The following SCFD2 variants were observed in gnomAD, a reference collection of about 807,000 sequenced individuals.
SCFD2 encodes the protein sec1 family domain containing 2.
In SCFD2, 54 loss-of-function variants were observed where a neutral mutation model predicts 58.9. The observed-to-expected ratio is 0.92, with a 90% CI of 0.74 to 1.15. The LOEUF (loss-of-function observed/expected upper bound fraction) is 1.15. Ranked by LOEUF, SCFD2 falls within the 50% of genes most tolerant of loss-of-function variation. The pLI, the probability that SCFD2 is intolerant of heterozygous loss-of-function variation, is 0.00. For synonymous variants in SCFD2, 321 were observed against 335.9 expected (o/e 0.96, Z 0.49); for missense variants, 805 against 836.6 (o/e 0.96, Z 0.47).
chr4:52,910,809 T>C (rs977711681), intron 6 of SCFD2, among the ~76,000 whole-genome samples: 1 of 152,136 alleles, frequency 6.6e-6, no homozygotes, highest in African/African-American at 2.4e-5. Context: ...GTGGGAGAGT[T>C]CTTATGAGAT....
rs187518799 is a variant in SCFD2 at position 52,892,461 on chromosome 4, T to G, written c.1843-6595A>C. The stretch of plus-strand genomic sequence containing the variant: ...AGTGTTTCTGGTCAAATGTCAAAAC[T>G]CCAGCCCTCTGGGATCTAGTGTCTG... On this transcript the variant is annotated intron_variant, in intron 7 of 8. Coordinates refer to ENST00000401642, the MANE Select transcript of SCFD2 (RefSeq NM_152540.4). Among the ~76,000 whole-genome samples, 114 of 152,312 alleles carry G rather than the reference T, an allele frequency of 7.5e-4. No individual in the cohort carries two copies. In the Middle Eastern group the frequency reaches 0.01, roughly 14 times the overall value.
At chr4:53,345,906 T>G (rs1734042159) in intron 2 of SCFD2, among the ~76,000 whole-genome samples, 2 of 151,970 alleles carry the variant, frequency 1.3e-5, no homozygotes, top group South Asian at 4.2e-4. Flanking sequence ...ATGAGAACAC[T>G]TGGACACAGG....
At chr4:53,092,259 T>A (rs957893939) in intron 5 of SCFD2, among the ~76,000 whole-genome samples, 9 of 152,160 alleles carry the variant, frequency 5.9e-5, no homozygotes, top group African/African-American at 2.2e-4. Context: ...AAACACGTCA[T>A]ATGACACATA....
chr4:52,971,865 C>A (rs1721110347), intron 5 of SCFD2, among the ~76,000 whole-genome samples: 1 of 152,172 alleles, frequency 6.6e-6, no homozygotes. Context: ...CAATATTCAA[C>A]ATTCTTAAAG....
chr4:53,201,026 A>T (rs1048115412), intron 4 of SCFD2, among the ~76,000 whole-genome samples: 4 of 151,936 alleles, frequency 2.6e-5, no homozygotes, highest in Non-Finnish European at 4.4e-5. Context: ...TTTTTAAAAA[A>T]TTTTATTATT....
intron 5 of SCFD2, among the ~76,000 whole-genome samples, chr4:53,045,209 T>A (rs1240243703): frequency 3.3e-5 from 5 of 152,190 alleles, no homozygotes; most frequent in African/African-American, 1.2e-4. Flanking sequence ...TTGTACGAGG[T>A]TTTACTAATA....
At chr4:52,884,472 AT>A (rs1030318607) in intron 8 of SCFD2, among the ~76,000 whole-genome samples, 1 of 152,178 alleles carries the variant, frequency 6.6e-6, no homozygotes, top group Non-Finnish European at 1.5e-5. Flanking sequence ...ATTCTGAGTC[AT>A]GTAACACCAC....
chr4:52,892,629 C>A (rs1175706645), intron 7 of SCFD2, among the ~76,000 whole-genome samples: 1 of 152,192 alleles, frequency 6.6e-6, no homozygotes, highest in Non-Finnish European at 1.5e-5. Context: ...CAAAATCCAA[C>A]TCCCCTGGGA....
At chr4:53,067,408 G>T (rs1416029114) in intron 5 of SCFD2, among the ~76,000 whole-genome samples, 1 of 152,016 alleles carries the variant, frequency 6.6e-6, no homozygotes, top group Non-Finnish European at 1.5e-5. Context: ...TGATGTCACT[G>T]TGGCAGCCTT....
chr4:53,007,305 G>GGGGAGA (rs1553913998), intron 5 of SCFD2, among the ~76,000 whole-genome samples: 7 of 66,082 alleles, frequency 1.1e-4, no homozygotes, highest in East Asian at 8.0e-4. Context: ...AGAGGGAGAG[G>GGGGAGA]GAGAGAGAGA....
chr4:53,338,734 C>T (rs1016401214), intron 2 of SCFD2, among the ~76,000 whole-genome samples: 8 of 151,534 alleles, frequency 5.3e-5, no homozygotes, highest in African/African-American at 1.9e-4. Flanking sequence ...GCACCCGCCA[C>T]TACGCCCGGC....
chr4:53,145,191 T>G, intron 5 of SCFD2, 142 bp downstream of exon 5: 1 of 997,156 alleles, frequency 1.0e-6, no homozygotes. Flanking sequence ...TGCTATAGGC[T>G]GGCTAGCATT....
intron 5 of SCFD2, among the ~76,000 whole-genome samples, chr4:52,999,848 C>T (rs192851510): frequency 1.1e-4 from 17 of 152,290 alleles, no homozygotes; most frequent in South Asian, 6.2e-4. Flanking sequence ...GTGTCAGAGA[C>T]GACTTCCTTG....
rs906540100 is a variant in SCFD2, at chr4:53,093,823, A to G, written c.1561+51510T>C. On this transcript the variant is annotated intron_variant, in intron 5 of 8. Transcript: ENST00000401642. ...GCAGGAGCACTCAAGAAACGGTAGC[A>G]TCAGTCATCTCCAGGAAGAATAGCA... Among the ~76,000 whole-genome samples the G allele has an allele frequency of 2.6e-5, 4 of 152,080 alleles. 1 individual carries two copies. The highest frequency in any genetic ancestry group is 2.0e-4 in the Admixed American group (3 of 15,242).
intron 8 of SCFD2, among the ~76,000 whole-genome samples, chr4:52,883,851 C>G (rs1000404889): frequency 6.6e-6 from 1 of 152,132 alleles, no homozygotes; most frequent in Non-Finnish European, 1.5e-5. Flanking sequence ...ATGACCATAA[C>G]AGGTGATAGT....
In SCFD2 at chr4:53,159,541, T is replaced by G. The variant is rs183757924; in HGVS notation, c.1312-13959A>C. On this transcript the variant is annotated intron_variant, in intron 4 of 8. Coordinates refer to ENST00000401642, the MANE Select transcript of SCFD2 (RefSeq NM_152540.4). ...AGCTTATAAGACAATAGATAAATTA[T>G]ATGAGAGTAGAGGCAGTAGCAGGGA... Among the ~76,000 whole-genome samples, 179 of 152,256 alleles carry G rather than the reference T, an allele frequency of 1.2e-3. 1 individual carries two copies. Among genetic ancestry groups the G allele is most frequent in the African/African-American group, 4.1e-3 (172 of 41,550 alleles).
intron 4 of SCFD2, among the ~76,000 whole-genome samples, chr4:53,228,720 A>G (rs1271227656): frequency 1.3e-5 from 2 of 152,172 alleles, no homozygotes; most frequent in African/African-American, 2.4e-5. Context: ...CAAGACAGGG[A>G]TGCCCTCTCT....
chr4:53,171,932 T>C (rs1281641601), intron 4 of SCFD2, among the ~76,000 whole-genome samples: 1 of 151,110 alleles, frequency 6.6e-6, no homozygotes, highest in Non-Finnish European at 1.5e-5. Flanking sequence ...TTTCAAAAAA[T>C]CTGCTCTTAA....
intron 2 of SCFD2, among the ~76,000 whole-genome samples, chr4:53,318,560 G>C (rs1466890934): frequency 6.6e-6 from 1 of 152,032 alleles, no homozygotes; most frequent in East Asian, 1.9e-4. Flanking sequence ...ATATTCCTGA[G>C]AAAAACACTA....
Sources: allele counts gnomAD v4.1 joint callset (sites outside exome capture counted in the v4.1 genomes callset), GRCh38; gene constraint gnomAD v4.1.1; transcripts MANE v1.5; gene names NCBI Gene and HGNC (gene_info 2026-07-23, HGNC 2026-07-21).